FANCL: variants seen among roughly 807,000 people sequenced by gnomAD.
The protein encoded by FANCL is E3 ubiquitin-protein ligase FANCL.
A neutral mutation model predicts 59.4 loss-of-function variants in FANCL; 69 were observed. The ratio of observed to expected loss-of-function variants is 1.16; its 90% CI spans 0.96 to 1.42. The LOEUF (loss-of-function observed/expected upper bound fraction) is 1.42, where lower values mean the gene tolerates loss of function less well. FANCL is among the 40% of genes most tolerant of loss of function. The pLI is 0.00. For missense variants in FANCL, 519 were observed against 447.2 expected (o/e 1.16, Z -1.45); for synonymous variants, 180 against 147.1 (o/e 1.22, Z -1.62).
At chr2:58,170,596 C>A (rs1241230833) in intron 7 of FANCL, among the ~76,000 whole-genome samples, 1 of 151,770 alleles carries the variant, frequency 6.6e-6, no homozygotes, top group Non-Finnish European at 1.5e-5. Flanking sequence ...AGTGAAGACC[C>A]ACTGCTATGC....
At chr2:58,191,069 C>T (rs1039567410) in intron 7 of FANCL, among the ~76,000 whole-genome samples, 2 of 151,610 alleles carry the variant, frequency 1.3e-5, no homozygotes, top group African/African-American at 4.8e-5. Context: ...TAAACACATA[C>T]ATGCATGCAT....
intron 7 of FANCL, among the ~76,000 whole-genome samples, chr2:58,180,302 A>C (rs1487800713): frequency 6.6e-6 from 1 of 152,188 alleles, no homozygotes; most frequent in African/African-American, 2.4e-5. Context: ...TCACAATAGC[A>C]AAGACTTGAA....
At chr2:58,215,403 T>TA (rs1691613722) in intron 5 of FANCL, among the ~76,000 whole-genome samples, 1 of 152,236 alleles carries the variant, frequency 6.6e-6, no homozygotes, top group Admixed American at 6.5e-5. Context: ...ATAGTACACT[T>TA]ACAATTATAT....
chr2:58,197,527 C>T (rs1456991260), intron 7 of FANCL, among the ~76,000 whole-genome samples: 2 of 152,098 alleles, frequency 1.3e-5, no homozygotes, highest in Non-Finnish European at 2.9e-5. Context: ...TGTGCCACAT[C>T]CTTAAAAATC....
intron 4 of FANCL, among the ~76,000 whole-genome samples, chr2:58,222,964 T>A (rs909701122): frequency 5.3e-5 from 8 of 151,814 alleles, no homozygotes; most frequent in African/African-American, 1.9e-4. Flanking sequence ...TAATTTTTAT[T>A]CTTTTAAGTA....
intron 5 of FANCL, among the ~76,000 whole-genome samples, chr2:58,216,281 C>T (rs983764150): frequency 5.9e-5 from 9 of 152,172 alleles, no homozygotes; most frequent in African/African-American, 2.2e-4. Flanking sequence ...CCAATCTGTT[C>T]CCAGTCTATC....
intron 5 of FANCL, among the ~76,000 whole-genome samples, chr2:58,221,227 T>G (rs949470242): frequency 1.3e-5 from 2 of 152,076 alleles, no homozygotes; most frequent in African/African-American, 4.8e-5. Context: ...TTGGCATATT[T>G]TTACTGGTGC....
At chr2:58,178,467 C>T (rs1687590440) in intron 7 of FANCL, among the ~76,000 whole-genome samples, 1 of 152,038 alleles carries the variant, frequency 6.6e-6, no homozygotes, top group Non-Finnish European at 1.5e-5. Flanking sequence ...ACAAACAGAA[C>T]CAAAAACAAA....
At chr2:58,214,090 T>C (rs1291807776) in intron 5 of FANCL, among the ~76,000 whole-genome samples, 1 of 152,130 alleles carries the variant, frequency 6.6e-6, no homozygotes, top group Non-Finnish European at 1.5e-5. Context: ...CCTGAGAAAT[T>C]AAATAAGAAT....
rs757304737 is a variant in FANCL, at chr2:58,159,312, TCTAACAAA to T, written c.*445_*452del. 65 of 1,485,298 alleles carry T rather than the reference TCTAACAAA, an allele frequency of 4.4e-5. No individual in the cohort carries two copies. Among genetic ancestry groups the T allele is most frequent in the Non-Finnish European group, 5.3e-5 (58 of 1,097,336 alleles). 92.0% of individuals were successfully genotyped at this position (1,485,298 alleles called of 1,614,324 possible). On this transcript the variant is annotated 3_prime_UTR_variant, in exon 14 of 14. Transcript: ENST00000233741. ...AAAATAAATACTTGGATAACTCACG[TCTAACAAA>T]CTAAACTATATATGTATTTTTTCCA...
rs1282819073 is a variant in FANCL at position 58,162,962 on chromosome 2, A to G, written c.822-15T>C. 21 of 1,610,736 alleles carry G rather than the reference A, an allele frequency of 1.3e-5. No homozygotes were observed. The highest frequency in any genetic ancestry group is 1.7e-5 in the Admixed American group (1 of 59,840). On this transcript the variant is annotated splice_polypyrimidine_tract_variant and intron_variant, in intron 10 of 13. Coordinates refer to ENST00000233741, the MANE Select transcript of FANCL (RefSeq NM_018062.4). ...TTTCTGGATCCCTGAAAGCATGGGGAAAAAAATTATGCTGTGAACTTTGTA... is the reference window on the plus strand; with the variant it reads ...TTTCTGGATCCCTGAAAGCATGGGGGAAAAAATTATGCTGTGAACTTTGTA...
intron 1 of FANCL, among the ~76,000 whole-genome samples, chr2:58,239,853 T>TA (rs1485179540): frequency 6.6e-6 from 1 of 152,212 alleles, no homozygotes; most frequent in African/African-American, 2.4e-5. Context: ...ATACTGGAAT[T>TA]ACTTGTACTG....
Position 58,163,417 on chromosome 2 carries a change from A to C in FANCL, c.775+17T>G. 1 of 1,566,932 alleles carries C rather than the reference A, an allele frequency of 6.4e-7. No homozygotes were observed. Among genetic ancestry groups the C allele is most frequent in the Non-Finnish European group, 8.8e-7 (1 of 1,137,538 alleles). On this transcript the variant is annotated intron_variant, in intron 9 of 13. Coordinates refer to ENST00000233741, the MANE Select transcript of FANCL (RefSeq NM_018062.4). ...TTATGACTCTATTAAAAAACGTTTA[A>C]ATCTCAGATGTCATACCATGGTCAG...
chr2:58,181,426 C>G (rs1011387338), intron 7 of FANCL, among the ~76,000 whole-genome samples: 8 of 151,990 alleles, frequency 5.3e-5, no homozygotes, highest in Non-Finnish European at 1.0e-4. Context: ...TAATAATGTT[C>G]TGCATCTTGA....
intron 7 of FANCL, among the ~76,000 whole-genome samples, chr2:58,173,751 ACAT>A (rs1686944912): frequency 6.6e-6 from 1 of 152,188 alleles, no homozygotes; most frequent in South Asian, 2.1e-4. Context: ...TAACCAGCTA[ACAT>A]CATAATGACA....
intron 7 of FANCL, among the ~76,000 whole-genome samples, chr2:58,197,870 C>T (rs956379339): frequency 1.3e-5 from 2 of 152,150 alleles, no homozygotes; most frequent in Admixed American, 6.5e-5. Flanking sequence ...TAATCAATGT[C>T]AAAAGTTTTA....
chr2:58,181,962 T>C (rs1687981166), intron 7 of FANCL, among the ~76,000 whole-genome samples: 1 of 151,644 alleles, frequency 6.6e-6, no homozygotes, highest in Non-Finnish European at 1.5e-5. Context: ...ATTTAAATAA[T>C]ATATTTAAAA....
intron 7 of FANCL, among the ~76,000 whole-genome samples, chr2:58,172,918 T>C (rs1686823787): frequency 6.6e-6 from 1 of 152,172 alleles, no homozygotes; most frequent in Non-Finnish European, 1.5e-5. Flanking sequence ...ATAACTAGAA[T>C]AACCAATACA....
chr2:58,215,596 A>G (rs1455249296), intron 5 of FANCL, among the ~76,000 whole-genome samples: 1 of 152,124 alleles, frequency 6.6e-6, no homozygotes, highest in Admixed American at 6.5e-5. Flanking sequence ...AAGTGAAGTA[A>G]GCCAACATTC....
Sources: allele counts gnomAD v4.1 joint callset (sites outside exome capture counted in the v4.1 genomes callset), GRCh38; gene constraint gnomAD v4.1.1; transcripts MANE v1.5; gene names NCBI Gene and HGNC (gene_info 2026-07-23, HGNC 2026-07-21).